Variants in BRINP3 observed in about 807,000 individuals in gnomAD.
The protein encoded by BRINP3 is BMP/retinoic acid inducible neural specific 3, also known as BMP/retinoic acid-inducible neural-specific protein 3.
A neutral mutation model predicts 71.0 loss-of-function variants in BRINP3; 19 were observed. The ratio of observed to expected loss-of-function variants is 0.27; its 90% CI spans 0.19 to 0.39. The LOEUF is 0.39. Ranked by LOEUF, BRINP3 falls within the 10% of genes least tolerant of loss-of-function variation. The probability of loss-of-function intolerance (pLI) is 1.00; values close to 1 mark genes in which losing one functional copy is unlikely to be tolerated. For synonymous variants in BRINP3, 380 were observed against 337.7 expected (o/e 1.13, Z -1.37); for missense variants, 959 against 940.8 (o/e 1.02, Z -0.25).
chr1:190,463,614 G>T (rs1676541679), intron 1 of BRINP3, among the ~76,000 whole-genome samples: 1 of 151,656 alleles, frequency 6.6e-6, no homozygotes, highest in Non-Finnish European at 1.5e-5. Context: ...TAAAAACACA[G>T]ATTTTCATTT....
intron 7 of BRINP3, among the ~76,000 whole-genome samples, chr1:190,119,316 C>T (rs1394350458): frequency 3.9e-5 from 6 of 151,958 alleles, no homozygotes; most frequent in Non-Finnish European, 7.4e-5. Flanking sequence ...CTCACGCTGT[C>T]TCCAGGCTGG....
intron 2 of BRINP3, among the ~76,000 whole-genome samples, chr1:190,409,906 A>G (rs1672551543): frequency 6.6e-6 from 1 of 152,154 alleles, no homozygotes; most frequent in Non-Finnish European, 1.5e-5. Flanking sequence ...AGAGGACAAA[A>G]TCACCTAAGG....
At chr1:190,105,138 T>C (rs989580191) in intron 7 of BRINP3, among the ~76,000 whole-genome samples, 2 of 152,116 alleles carry the variant, frequency 1.3e-5, no homozygotes, top group Non-Finnish European at 2.9e-5. Flanking sequence ...AGACTCTTGC[T>C]CTGGCCATCT....
chr1:190,132,511 T>C lies in BRINP3; in HGVS notation c.1184+28157A>G, dbSNP rs77548936. Among the ~76,000 whole-genome samples, 823 of 152,194 alleles carry C rather than the reference T, an allele frequency of 5.4e-3. 1 individual carries two copies. Among genetic ancestry groups the C allele is most frequent in the Non-Finnish European group, 9.3e-3 (629 of 67,982 alleles). On this transcript the variant is annotated intron_variant, in intron 7 of 7. Transcript: ENST00000367462. Reference sequence around the variant, plus strand: ...TATTTTTTCTTATCCAATTGTAAATTTCTTCAGAGCATAAACGTTAAATAT... The same window carrying C: ...TATTTTTTCTTATCCAATTGTAAATCTCTTCAGAGCATAAACGTTAAATAT...
intron 2 of BRINP3, among the ~76,000 whole-genome samples, chr1:190,295,668 C>A (rs1454971430): frequency 2.0e-5 from 3 of 152,046 alleles, no homozygotes; most frequent in Non-Finnish European, 4.4e-5. Context: ...TCTGTGGGCG[C>A]CAGTCTAGAA....
intron 2 of BRINP3, among the ~76,000 whole-genome samples, chr1:190,322,150 A>G (rs992381581): frequency 9.9e-5 from 15 of 152,058 alleles, no homozygotes; most frequent in African/African-American, 3.6e-4. Flanking sequence ...TAATGGATCA[A>G]AAAGCTGAAG....
In BRINP3 at chr1:190,477,747, T is replaced by C. The variant is rs1399280577; in HGVS notation, c.-350A>G. ...AAAATTTACAGGCTGCACATCCCCA[T>C]ACAGTGGGGAAAGGCAGAAGCTGTG... On this transcript the variant is annotated 5_prime_UTR_variant, in exon 1 of 8. It removes an upstream start codon present in the reference 5' UTR. Transcript: ENST00000367462. The C allele has an allele frequency of 6.6e-6, 1 of 151,902 alleles. No homozygotes were observed. The highest frequency in any genetic ancestry group is 2.4e-5 in the African/African-American group (1 of 41,334). 9.4% of individuals were successfully genotyped at this position (151,902 alleles called of 1,614,324 possible).
rs1240985435 is a variant in BRINP3 at position 190,264,868 on chromosome 1, T to C, written c.615A>G (p.Ile205Met). 9.3e-6 allele frequency: 15 copies of C among 1,612,902 alleles called. No homozygotes were observed. Among genetic ancestry groups the C allele is most frequent in the African/African-American group, 1.3e-5 (1 of 74,836 alleles). Reference sequence around the variant, plus strand: ...TTTAGCGTAAACTCATTCTTACCTTTATGGCAGTGGATGCAATTTGAATGT... The same window carrying C: ...TTTAGCGTAAACTCATTCTTACCTTCATGGCAGTGGATGCAATTTGAATGT... ...LHHIQIASTA[I>M]KVTETRTGPL... The change falls in exon 4 of 8, where the codon ATA becomes ATG. Residue 205 changes from isoleucine (I) to methionine (M), a missense_variant. By Grantham distance (10) the Ile-to-Met change is conservative. Coordinates refer to ENST00000367462, the MANE Select transcript of BRINP3 (RefSeq NM_199051.3).
chr1:190,173,293 G>T (rs1002595739), intron 6 of BRINP3, among the ~76,000 whole-genome samples: 1 of 152,140 alleles, frequency 6.6e-6, no homozygotes, highest in Non-Finnish European at 1.5e-5. Context: ...TGAGACAAAA[G>T]CAAGAATCTG....
Position 190,098,504 on chromosome 1 carries a change from C to A in BRINP3, c.1815G>T (p.Leu605=). The A allele has an allele frequency of 6.2e-7, 1 of 1,614,098 alleles. No homozygotes were observed. The highest frequency in any genetic ancestry group is 1.1e-5 in the South Asian group (1 of 91,082). Residue 605 remains leucine (L), a synonymous_variant, in exon 8 of 8, where the codon CTG becomes CTT. Coordinates refer to ENST00000367462, the MANE Select transcript of BRINP3 (RefSeq NM_199051.3). ...GAGTTAATGTCCAGTTATAACACTG[C>A]AGGGGTAGGTCCAACTTAGTCCGCT... is the stretch of plus-strand genomic sequence containing the variant. ...DWERTKLDLP[L]QCYNWTLTLG... is the part of the protein sequence containing the mutation.
At chr1:190,330,858 C>T (rs1388642923) in intron 2 of BRINP3, among the ~76,000 whole-genome samples, 1 of 151,834 alleles carries the variant, frequency 6.6e-6, no homozygotes, top group African/African-American at 2.4e-5. Context: ...AGTCTATTGT[C>T]CTAAGTAATG....
chr1:190,274,953 G>A (rs919468251), intron 3 of BRINP3, among the ~76,000 whole-genome samples: 2 of 151,634 alleles, frequency 1.3e-5, no homozygotes, highest in Non-Finnish European at 3.0e-5. Flanking sequence ...AGATATTATG[G>A]GGAGGAAAGA....
chr1:190,176,821 G>T (rs996054544), intron 6 of BRINP3, among the ~76,000 whole-genome samples: 1 of 151,914 alleles, frequency 6.6e-6, no homozygotes, highest in Non-Finnish European at 1.5e-5. Flanking sequence ...TGCTGCTTGG[G>T]GTCAAGAAGC....
chr1:190,321,640 G>T lies in BRINP3; in HGVS notation c.237-39890C>A, dbSNP rs554613405. Among the ~76,000 whole-genome samples, 6 of 152,064 alleles carry T rather than the reference G, an allele frequency of 3.9e-5. No individual in the cohort carries two copies. In the East Asian group the frequency reaches 9.7e-4, roughly 25 times the overall value. On this transcript the variant is annotated intron_variant, in intron 2 of 7. Coordinates refer to ENST00000367462, the MANE Select transcript of BRINP3 (RefSeq NM_199051.3). Reference sequence around the variant, plus strand: ...ATATTTTGACTGATTAAACAAATTTGGGTATTATTTACTCATCATCATTAT... The same window carrying T: ...ATATTTTGACTGATTAAACAAATTTTGGTATTATTTACTCATCATCATTAT...
intron 2 of BRINP3, among the ~76,000 whole-genome samples, chr1:190,301,798 T>C (rs1353005961): frequency 2.0e-5 from 3 of 151,888 alleles, no homozygotes; most frequent in African/African-American, 7.2e-5. Flanking sequence ...AGAGAAAAAG[T>C]GGACAGTAAA....
chr1:190,473,432 G>A (rs1023236916), intron 1 of BRINP3, among the ~76,000 whole-genome samples: 3 of 151,718 alleles, frequency 2.0e-5, no homozygotes, highest in Non-Finnish European at 2.9e-5. Flanking sequence ...ATAAATATAA[G>A]TACTAAAACT....
At chr1:190,393,343 T>G (rs1008817201) in intron 2 of BRINP3, among the ~76,000 whole-genome samples, 34 of 151,590 alleles carry the variant, frequency 2.2e-4, no homozygotes, top group Non-Finnish European at 3.0e-4. Context: ...ATTGATTGAT[T>G]GATAATGGCC....
At chr1:190,192,063 T>G (rs1654082032) in intron 6 of BRINP3, among the ~76,000 whole-genome samples, 1 of 152,164 alleles carries the variant, frequency 6.6e-6, no homozygotes. Flanking sequence ...TACAAACAAC[T>G]GCTATTGCAA....
intron 4 of BRINP3, among the ~76,000 whole-genome samples, chr1:190,250,626 A>G (rs953981974): frequency 6.6e-6 from 1 of 151,940 alleles, no homozygotes; most frequent in Non-Finnish European, 1.5e-5. Flanking sequence ...ATTATATGTA[A>G]TAGGAAATAA....
Sources: allele counts gnomAD v4.1 joint callset (sites outside exome capture counted in the v4.1 genomes callset), GRCh38; gene constraint gnomAD v4.1.1; transcripts MANE v1.5; gene names NCBI Gene and HGNC (gene_info 2026-07-23, HGNC 2026-07-21).